The following RYR2 variants were observed in gnomAD, a reference collection of about 807,000 sequenced individuals.
The protein encoded by RYR2 is ryanodine receptor 2.
A neutral mutation model predicts 601.1 loss-of-function variants in RYR2; 227 were observed. The ratio of observed to expected loss-of-function variants is 0.38; its 90% CI spans 0.34 to 0.42. The LOEUF is 0.42. Ranked by LOEUF, RYR2 falls within the 10% of genes least tolerant of loss-of-function variation. RYR2 has a pLI of 1.00. For missense variants in RYR2, 4,646 were observed against 6,156.5 expected (o/e 0.75, Z 8.21); for synonymous variants, 2,223 against 2,175.1 (o/e 1.02, Z -0.61).
chr1:237,558,715 A>G (rs78410736), intron 27 of RYR2, among the ~76,000 whole-genome samples: 6,338 of 152,044 alleles, frequency 0.042, 330 homozygotes, highest in African/African-American at 0.12. Context: ...GTCTCTCCTT[A>G]CAGTCTGTGA....
intron 66 of RYR2, among the ~76,000 whole-genome samples, chr1:237,702,888 A>C (rs1389199101): frequency 6.6e-6 from 1 of 152,080 alleles, no homozygotes; most frequent in Non-Finnish European, 1.5e-5. Context: ...AGCAAATTAG[A>C]TCAATGGAAA....
intron 2 of RYR2, among the ~76,000 whole-genome samples, chr1:237,319,708 C>T (rs1375545382): frequency 5.3e-5 from 8 of 152,176 alleles, no homozygotes; most frequent in South Asian, 4.2e-4. Context: ...CCAACCTGTC[C>T]GTGGATAAGG....
intron 27 of RYR2, among the ~76,000 whole-genome samples, chr1:237,550,903 G>A (rs1029394621): frequency 6.6e-5 from 10 of 152,198 alleles, no homozygotes; most frequent in South Asian, 2.1e-4. Flanking sequence ...TTCTTTGGGC[G>A]GAGAAAATGG....
In RYR2 at chr1:237,270,483, CT is replaced by C; in HGVS notation, c.49-13del. The C allele has an allele frequency of 6.4e-7, 1 of 1,564,818 alleles. No individual in the cohort carries two copies. Among genetic ancestry groups the C allele is most frequent in the African/African-American group, 1.4e-5 (1 of 73,922 alleles). On this transcript the variant is annotated splice_polypyrimidine_tract_variant and intron_variant, in intron 1 of 104. Transcript: ENST00000366574. ...GTCTCACTTATTTTTCCCTCTCTTT[CT>C]CCCCCTTTGCAGGATGATGAAGTGG...
chr1:237,795,836 G>GTGTGTGTATATA lies in RYR2; in HGVS notation c.13956+506_13956+507insGTGTGTATATAT, dbSNP rs371932356. Among the ~76,000 whole-genome samples the GTGTGTGTATATA allele has an allele frequency of 8.3e-5, 11 of 132,670 alleles. No individual in the cohort carries two copies. The East Asian group carries it at 2.1e-3, about 25-fold the overall frequency. The allele number at this position is 132,670 out of a possible 152,430, so 87.0% of individuals were successfully genotyped here. ...TATACAGGTATGTATGTGTGTGTGT[G>GTGTGTGTATATA]TATATATATATATGTATATGTATAT... On this transcript the variant is annotated intron_variant, in intron 96 of 104. Transcript: ENST00000366574.
intron 21 of RYR2, among the ~76,000 whole-genome samples, chr1:237,501,175 T>G (rs1340002235): frequency 6.6e-6 from 1 of 150,858 alleles, no homozygotes; most frequent in Admixed American, 6.6e-5. Flanking sequence ...TCAAGGTGTT[T>G]TTTTTTTTTT....
chr1:237,298,099 G>A (rs1190765647), intron 2 of RYR2, among the ~76,000 whole-genome samples: 1 of 151,866 alleles, frequency 6.6e-6, no homozygotes, highest in Admixed American at 6.6e-5. Context: ...CTGAGGAATG[G>A]GAATCATTTG....
At position 237,417,519 on chromosome 1, in the gene RYR2, A is replaced by T. The variant is rs540258710; in HGVS notation, c.848+396A>T. On this transcript the variant is annotated intron_variant, in intron 11 of 104. Transcript: ENST00000366574. ...ACATCTCAGATCTGACAGACTGTGG[A>T]TTTAACCTTCTAAAAGTACATTTAA... 2.0e-5 allele frequency among the ~76,000 whole-genome samples: 3 copies of T among 152,302 alleles called. No homozygotes were observed. The East Asian group carries it at 5.8e-4, about 29-fold the overall frequency.
chr1:237,716,780 A>G (rs1428623756), intron 71 of RYR2, among the ~76,000 whole-genome samples: 1 of 141,152 alleles, frequency 7.1e-6, no homozygotes, highest in Non-Finnish European at 1.6e-5. Flanking sequence ...ACACACACAC[A>G]CACCATATAC....
intron 3 of RYR2, among the ~76,000 whole-genome samples, chr1:237,339,472 C>G (rs1697554301): frequency 6.6e-6 from 1 of 151,632 alleles, no homozygotes; most frequent in African/African-American, 2.4e-5. Context: ...ATAAAAATGC[C>G]CTCTTCATAG....
intron 1 of RYR2, among the ~76,000 whole-genome samples, chr1:237,161,708 A>C (rs1276208046): frequency 1.3e-5 from 2 of 152,188 alleles, no homozygotes; most frequent in Non-Finnish European, 1.5e-5. Flanking sequence ...CTTATTAATT[A>C]AACTCTTTTC....
intron 1 of RYR2, among the ~76,000 whole-genome samples, chr1:237,105,112 C>T (rs527409049): frequency 6.6e-5 from 10 of 152,266 alleles, no homozygotes; most frequent in East Asian, 1.9e-4. Context: ...CCGGCAAACA[C>T]GGCTGGTTGA....
chr1:237,115,833 T>G (rs1313255919), intron 1 of RYR2, among the ~76,000 whole-genome samples: 2 of 152,012 alleles, frequency 1.3e-5, no homozygotes, highest in Non-Finnish European at 2.9e-5. Flanking sequence ...TTTAAATAAT[T>G]TACTCTATCT....
At chr1:237,334,541 A>G (rs1486615546) in intron 3 of RYR2, among the ~76,000 whole-genome samples, 2 of 151,958 alleles carry the variant, frequency 1.3e-5, no homozygotes, top group Non-Finnish European at 2.9e-5. Flanking sequence ...AAATCATGTC[A>G]ATAGTAAATA....
intron 92 of RYR2, among the ~76,000 whole-genome samples, chr1:237,790,143 C>G (rs565136098): frequency 6.6e-6 from 1 of 152,258 alleles, no homozygotes; most frequent in Non-Finnish European, 1.5e-5. Flanking sequence ...TGCTTAATGT[C>G]CACCATAACC....
intron 1 of RYR2, among the ~76,000 whole-genome samples, chr1:237,268,928 C>G (rs1295787084): frequency 5.0e-4 from 23 of 46,440 alleles, no homozygotes; most frequent in African/African-American, 1.8e-3. Context: ...GAGGAAGACT[C>G]TTGTCTCAAA....
At chr1:237,192,399 T>C (rs187009410) in intron 1 of RYR2, among the ~76,000 whole-genome samples, 1 of 151,860 alleles carries the variant, frequency 6.6e-6, no homozygotes, top group South Asian at 2.1e-4. Flanking sequence ...ATTTTTAGTA[T>C]AGACGGGGTT....
chr1:237,243,265 C>T (rs1414270412), intron 1 of RYR2, among the ~76,000 whole-genome samples: 3 of 152,112 alleles, frequency 2.0e-5, no homozygotes, highest in Non-Finnish European at 4.4e-5. Context: ...TCAGTCCCCA[C>T]AAGCCCCCAG....
chr1:237,490,659 C>T (rs1387173740), intron 17 of RYR2, among the ~76,000 whole-genome samples: 1 of 152,106 alleles, frequency 6.6e-6, no homozygotes, highest in Non-Finnish European at 1.5e-5. Flanking sequence ...TTGAACAGCT[C>T]CAAAATGTAA....
Sources: gnomAD v4.1 joint callset for allele counts (sites outside exome capture counted in the v4.1 genomes callset) on GRCh38, gnomAD v4.1.1 for gene constraint, MANE v1.5 for transcripts, NCBI Gene and HGNC (gene_info 2026-07-23, HGNC 2026-07-21) for gene names.